ARHGEF40: variants seen among roughly 807,000 people sequenced by gnomAD.
ARHGEF40 encodes Rho guanine nucleotide exchange factor (GEF) 40.
A neutral mutation model predicts 165.9 loss-of-function variants in ARHGEF40; 98 were observed. The observed-to-expected ratio is 0.59, with a 90% CI of 0.50 to 0.70. The LOEUF (loss-of-function observed/expected upper bound fraction) is 0.70. ARHGEF40 is among the 30% of genes least tolerant of loss of function. ARHGEF40 has a pLI of 0.00. For missense variants in ARHGEF40, 1,815 were observed against 1,968.0 expected (o/e 0.92, Z 1.47); for synonymous variants, 792 against 814.3 (o/e 0.97, Z 0.47).
intron 22 of ARHGEF40, 103 bp downstream of exon 22, chr14:21,088,201 G>GA (rs1361780703): frequency 7.2e-7 from 1 of 1,380,536 alleles, no homozygotes; most frequent in Non-Finnish European, 9.7e-7. Context: ...GGAAAACTGT[G>GA]AACTTGTGCT....
chr14:21,078,997 G>T lies in ARHGEF40; in HGVS notation c.2360G>T (p.Arg787Leu). 1 of 1,613,226 alleles carries T rather than the reference G, an allele frequency of 6.2e-7. No individual in the cohort carries two copies. Among genetic ancestry groups the T allele is most frequent in the Non-Finnish European group, 8.5e-7 (1 of 1,179,626 alleles). ...CAGCAAGAGCAGCGGCAGTGCCTGC[G>T]GCGACTCCAGCAGGTGAGCCAGGAT... ...VQQQEQRQCLRRLQQVLQWLS... is the reference protein window; with the variant it reads ...VQQQEQRQCLLRLQQVLQWLS... Residue 787 changes from arginine (R) to leucine (L), a missense_variant, in exon 11 of 24, where the codon CGG becomes CTG. By Grantham distance (102) the Arg-to-Leu change is moderately radical (BLOSUM62 -2). Coordinates refer to ENST00000298694, the MANE Select transcript of ARHGEF40 (RefSeq NM_018071.5).
At chr14:21,062,441 G>T in the ARHGEF40 span, among the ~76,000 whole-genome samples, 3 of 152,166 alleles carry the variant, frequency 2.0e-5, no homozygotes, top group South Asian at 2.1e-4. Context: ...GCACTGTGCT[G>T]CCTTCAGTTG....
intron 16 of ARHGEF40, 60 bp from the exon 17 acceptor site, chr14:21,083,775 T>G: frequency 1.3e-5 from 15 of 1,166,174 alleles, no homozygotes; most frequent in East Asian, 3.0e-5. Context: ...CCCCAACCCC[T>G]GAGCTTGGCC....
chr14:21,081,378 T>G (rs1887878869), intron 13 of ARHGEF40, 131 bp from the exon 14 acceptor site: 28 of 1,302,028 alleles, frequency 2.2e-5, no homozygotes, highest in Non-Finnish European at 2.7e-5. Context: ...GGTGGAACAG[T>G]GAGAAAACAG....
intron 19 of ARHGEF40, 169 bp downstream of exon 19, chr14:21,086,035 A>AAGAT: frequency 1.2e-6 from 1 of 823,970 alleles, no homozygotes; most frequent in Non-Finnish European, 1.8e-6. Context: ...AAATGAGCCT[A>AAGAT]AGATATACCA....
Position 21,073,241 on chromosome 14 carries a change from G to T in ARHGEF40, c.200G>T (p.Cys67Phe). Reference protein sequence around the residue: ...HLLAKVQQEACAQYSGFLFFH... With the variant: ...HLLAKVQQEAFAQYSGFLFFH... ...CTTGCCAAGGTCCAGCAGGAAGCCT[G>T]TGTGAGTGGCCGTGCATCACTATTC... The change falls in exon 2 of 24, where the codon TGT (cysteine) becomes TTT (phenylalanine). Residue 67 changes from cysteine (C) to phenylalanine (F), a missense_variant and splice_region_variant. By Grantham distance (205) the Cys-to-Phe change is radical. Coordinates refer to ENST00000298694, the MANE Select transcript of ARHGEF40 (RefSeq NM_018071.5). This position sits in a 1 kb window ranked among gnomAD's most constrained non-coding sequence, Gnocchi z 4.6. The T allele has an allele frequency of 6.2e-7, 1 of 1,604,694 alleles. No homozygotes were observed. The highest frequency in any genetic ancestry group is 8.5e-7 in the Non-Finnish European group (1 of 1,175,940).
intron 19 of ARHGEF40, chr14:21,086,132 T>C (rs761986532): frequency 7.8e-6 from 3 of 386,936 alleles, no homozygotes; most frequent in Non-Finnish European, 1.4e-5. Flanking sequence ...TCCCAGCGCA[T>C]TTTGGGAGGC....
chr14:21,081,645 CCCTGGA>C lies in ARHGEF40; in HGVS notation c.2783_2788del (p.Asp928_Leu929del). 1 of 1,608,444 alleles carries C rather than the reference CCCTGGA, an allele frequency of 6.2e-7. No individual in the cohort carries two copies. The highest frequency in any genetic ancestry group is 2.2e-5 in the East Asian group (1 of 44,804). On this transcript the variant is annotated inframe_deletion, in exon 14 of 24. Transcript: ENST00000298694. Reference sequence around the variant, plus strand: ...ACCTTCCAGGAGATGCGGGCCCTGGCCCTGGACCTGGGCAGCCCAGCAGCCCTGCGA... The same window carrying C: ...ACCTTCCAGGAGATGCGGGCCCTGGCCCTGGGCAGCCCAGCAGCCCTGCGA...
intron 11 of ARHGEF40, 132 bp from the exon 12 acceptor site, chr14:21,080,528 C>T (rs1056644977): frequency 1.4e-5 from 14 of 1,019,064 alleles, no homozygotes; most frequent in Non-Finnish European, 1.7e-5. Context: ...GTTGTCATTC[C>T]CACATTGCAG....
At position 21,072,193 on chromosome 14, in the gene ARHGEF40, G is replaced by T. The variant is rs938277237; in HGVS notation, c.4-852G>T. On this transcript the variant is annotated intron_variant, in intron 1 of 23. Transcript: ENST00000298694. The surrounding 1 kb of genome is among the most constrained non-coding windows in gnomAD (Gnocchi z 4.1). ...GACGTCTCATTGACTCACTTAGGGA[G>T]GGGAGTCTGGATGAAGCAGGGCTGA... Among the ~76,000 whole-genome samples the T allele has an allele frequency of 6.6e-6, 1 of 152,218 alleles. No homozygotes were observed. Among genetic ancestry groups the T allele is most frequent in the Non-Finnish European group, 1.5e-5 (1 of 68,034 alleles).
rs117998300 is a variant in ARHGEF40, at chr14:21,081,474, T to G, written c.2641-35T>G. On this transcript the variant is annotated intron_variant, in intron 13 of 23. Coordinates refer to ENST00000298694, the MANE Select transcript of ARHGEF40 (RefSeq NM_018071.5). ...TCGTGAGCAACACAGGCCCTTACCC[T>G]TTCTCTCCCATCCCCAACCCCTTTG... 4 of 1,608,776 alleles carry G rather than the reference T, an allele frequency of 2.5e-6. No individual in the cohort carries two copies. In the South Asian group the frequency reaches 4.4e-5, roughly 18 times the overall value.
At chr14:21,081,480 T>G in intron 13 of ARHGEF40, 29 bp from the exon 14 acceptor site, 2 of 1,610,494 alleles carry the variant, frequency 1.2e-6, no homozygotes, top group East Asian at 4.5e-5. Flanking sequence ...ACCCTTTCTC[T>G]CCCATCCCCA....
At chr14:21,071,086 C>T (rs1244687927) in intron 1 of ARHGEF40, among the ~76,000 whole-genome samples, 1 of 152,180 alleles carries the variant, frequency 6.6e-6, no homozygotes, top group East Asian at 1.9e-4. Context: ...GCTCTTGCTG[C>T]AGGGAACTGA....
In ARHGEF40 at chr14:21,082,076, T is replaced by G; in HGVS notation, c.3208T>G (p.Trp1070Gly). ...LGRARGPDGP[W>G]GVGTPRMERK... ...CCGGGCTAGGGGGCCAGACGGACCC[T>G]GGGGAGTAGGCACCCCCCGGATGGA... is the stretch of plus-strand genomic sequence containing the variant. The change falls in exon 14 of 24, where the codon TGG becomes GGG. Residue 1070 changes from tryptophan (W) to glycine (G), a missense_variant. By Grantham distance (184) the Trp-to-Gly change is radical. Coordinates refer to ENST00000298694, the MANE Select transcript of ARHGEF40 (RefSeq NM_018071.5). The G allele has an allele frequency of 1.3e-6, 2 of 1,560,586 alleles. No individual in the cohort carries two copies. Among genetic ancestry groups the G allele is most frequent in the African/African-American group, 1.4e-5 (1 of 73,542 alleles).
In ARHGEF40 at chr14:21,082,884, G is replaced by C. The variant is rs1888036231; in HGVS notation, c.3540G>C (p.Glu1180Asp). Residue 1180 changes from glutamate to aspartate, a missense_variant, in exon 16 of 24, where the codon GAG (glutamate) becomes GAC (aspartate). By Grantham distance (45) the Glu-to-Asp change is conservative (BLOSUM62 2). Transcript: ENST00000298694. ...ACGTGAAGCACCGACACAAACTGGA[G>C]AATGGTCTGGCTGCGCTCAGTCCCT... ...AQYVKHRHKL[E>D]NGLAALSPLS... is the part of the protein sequence containing the mutation. The C allele has an allele frequency of 1.9e-6, 3 of 1,614,092 alleles. No homozygotes were observed.
At chr14:21,085,610 G>C (rs548454436) in intron 18 of ARHGEF40, 79 bp from the exon 19 acceptor site, 11 of 1,512,776 alleles carry the variant, frequency 7.3e-6, no homozygotes, top group Admixed American at 3.9e-5. Context: ...GATGCCAGGC[G>C]AAGCCCAGTG....
chr14:21,088,318 A>C (rs1888537680), intron 22 of ARHGEF40, among the ~76,000 whole-genome samples: 1 of 152,154 alleles, frequency 6.6e-6, no homozygotes, highest in South Asian at 2.1e-4. Flanking sequence ...ATCTTAAATA[A>C]GGAGTATAGT....
At chr14:21,077,912 G>T (rs1410651594) in intron 8 of ARHGEF40, among the ~76,000 whole-genome samples, 2 of 152,184 alleles carry the variant, frequency 1.3e-5, no homozygotes, top group African/African-American at 2.4e-5. Flanking sequence ...TGTACAATGT[G>T]CCAGGCCCAC....
chr14:21,065,162 T>A, the ARHGEF40 span, among the ~76,000 whole-genome samples: 1 of 146,758 alleles, frequency 6.8e-6, no homozygotes, highest in African/African-American at 2.5e-5. Context: ...TGAGCAAAAC[T>A]CCATCTCAAA....
Sources: allele counts gnomAD v4.1 joint callset (sites outside exome capture counted in the v4.1 genomes callset), GRCh38; gene constraint gnomAD v4.1.1; non-coding constraint Gnocchi (gnomAD v3.1); transcripts MANE v1.5; gene names NCBI Gene and HGNC (gene_info 2026-07-23, HGNC 2026-07-21).